The following DLGAP1 variants were observed in gnomAD, a reference collection of about 807,000 sequenced individuals.
DLGAP1 encodes disks large-associated protein 1.
Under a neutral mutation model 90.8 loss-of-function variants are expected in DLGAP1, and 11 were observed. The ratio of observed to expected loss-of-function variants is 0.12; its 90% CI spans 0.08 to 0.20. The LOEUF (loss-of-function observed/expected upper bound fraction) is 0.20, where lower values mean the gene tolerates loss of function less well. Among genes scored for constraint, DLGAP1 ranks in the 10% least tolerant of loss-of-function variants. The pLI is 1.00. For synonymous variants in DLGAP1, 558 were observed against 540.7 expected (o/e 1.03, Z -0.44); for missense variants, 1,050 against 1,333.8 (o/e 0.79, Z 3.31).
intron 4 of DLGAP1, among the ~76,000 whole-genome samples, chr18:3,843,495 T>G (rs1032276686): frequency 1.3e-5 from 2 of 152,234 alleles, no homozygotes; most frequent in Non-Finnish European, 2.9e-5. Context: ...TCTGCCAGCT[T>G]TAAATTGAAC....
chr18:4,121,799 C>G (rs1436484201), intron 2 of DLGAP1, among the ~76,000 whole-genome samples: 1 of 152,062 alleles, frequency 6.6e-6, no homozygotes, highest in Non-Finnish European at 1.5e-5. Context: ...TAACAAGTAC[C>G]ATTGAATAAT....
rs1450023520 is a variant in DLGAP1 at position 4,084,527 on chromosome 18, G to A, written c.-159+66653C>T. Among the ~76,000 whole-genome samples the A allele has an allele frequency of 1.3e-5, 2 of 152,024 alleles. No individual in the cohort carries two copies. Among genetic ancestry groups the A allele is most frequent in the African/African-American group, 4.8e-5 (2 of 41,382 alleles). On this transcript the variant is annotated intron_variant, in intron 2 of 12. Coordinates refer to ENST00000315677, the MANE Select transcript of DLGAP1 (RefSeq NM_004746.4). This position sits in a 1 kb window ranked among gnomAD's most constrained non-coding sequence, Gnocchi z 4.0. ...TCTCTCCTATGACCCTCGTGTGAAA[G>A]GTGTCCACCCTATACCCACAGGACA...
intron 1 of DLGAP1, among the ~76,000 whole-genome samples, chr18:4,319,021 A>G (rs190618532): frequency 6.6e-6 from 1 of 152,348 alleles, no homozygotes; most frequent in Admixed American, 6.5e-5. Context: ...ACAAAAAATT[A>G]TAACAGTGTG....
At chr18:4,426,301 C>T (rs2083152706) in intron 1 of DLGAP1, among the ~76,000 whole-genome samples, 1 of 152,176 alleles carries the variant, frequency 6.6e-6, no homozygotes, top group Non-Finnish European at 1.5e-5. Flanking sequence ...ATATCTTCCC[C>T]TTAAAAAGTT....
chr18:4,423,997 C>T (rs1448591797), intron 1 of DLGAP1, among the ~76,000 whole-genome samples: 1 of 151,626 alleles, frequency 6.6e-6, no homozygotes, highest in Non-Finnish European at 1.5e-5. Flanking sequence ...ACTAAAAATA[C>T]AAAAATTAGC....
At chr18:3,664,789 G>T (rs886897986) in intron 7 of DLGAP1, among the ~76,000 whole-genome samples, 2 of 152,216 alleles carry the variant, frequency 1.3e-5, no homozygotes, top group African/African-American at 4.8e-5. Context: ...TCAGCACCAT[G>T]TCTGGACATA....
In DLGAP1 at chr18:4,269,565, A is replaced by G. The variant is rs538480074; in HGVS notation, c.-266-118278T>C. Among the ~76,000 whole-genome samples the G allele has an allele frequency of 5.7e-3, 860 of 152,042 alleles. 6 individuals carry two copies. Among genetic ancestry groups the G allele is most frequent in the African/African-American group, 0.02 (829 of 41,506 alleles). On this transcript the variant is annotated intron_variant, in intron 1 of 12. Transcript: ENST00000315677. Reference sequence around the variant, plus strand: ...GAGACGGGGTTTCACCGTGTTAGCCAGGATGGTCTCGATCTCCTGACCTTG... The same window carrying G: ...GAGACGGGGTTTCACCGTGTTAGCCGGGATGGTCTCGATCTCCTGACCTTG...
At chr18:4,010,333 G>A (rs1351764172) in intron 2 of DLGAP1, among the ~76,000 whole-genome samples, 3 of 151,954 alleles carry the variant, frequency 2.0e-5, no homozygotes, top group East Asian at 3.9e-4. Context: ...TTGCTAGAGC[G>A]TATGAGTTCA....
At chr18:3,625,131 G>A (rs1298365205) in intron 7 of DLGAP1, among the ~76,000 whole-genome samples, 1 of 152,190 alleles carries the variant, frequency 6.6e-6, no homozygotes, top group Non-Finnish European at 1.5e-5. Context: ...TCTCTCCCGA[G>A]CAGGCTTCAC....
At chr18:3,972,583 G>C (rs983489702) in intron 3 of DLGAP1, among the ~76,000 whole-genome samples, 16 of 152,036 alleles carry the variant, frequency 1.1e-4, no homozygotes, top group Non-Finnish European at 2.1e-4. Context: ...AAGTAGATCT[G>C]TGGGAACCTG....
chr18:4,284,704 C>T (rs2079640184), intron 1 of DLGAP1, among the ~76,000 whole-genome samples: 1 of 152,134 alleles, frequency 6.6e-6, no homozygotes, highest in Non-Finnish European at 1.5e-5. Context: ...AGACCCATGG[C>T]CTTCTGGAGT....
At chr18:4,306,839 G>C (rs958996779) in intron 1 of DLGAP1, among the ~76,000 whole-genome samples, 1 of 152,124 alleles carries the variant, frequency 6.6e-6, no homozygotes, top group Non-Finnish European at 1.5e-5. Context: ...AATTTATTAA[G>C]TCTATTAATC....
At chr18:3,518,378 T>C (rs9962592) in intron 10 of DLGAP1, among the ~76,000 whole-genome samples, 6,077 of 152,182 alleles carry the variant, frequency 0.04, 426 homozygotes, top group African/African-American at 0.14. Context: ...CAAATCACCA[T>C]AGCAGATAGA....
chr18:3,505,929 A>G (rs573903197), intron 11 of DLGAP1, among the ~76,000 whole-genome samples: 1 of 152,234 alleles, frequency 6.6e-6, no homozygotes, highest in South Asian at 2.1e-4. Flanking sequence ...GGAGGTTAAC[A>G]TTTTCTAGAA....
At chr18:4,216,689 A>G (rs1022058476) in intron 1 of DLGAP1, among the ~76,000 whole-genome samples, 2 of 152,128 alleles carry the variant, frequency 1.3e-5, no homozygotes, top group Non-Finnish European at 1.5e-5. Context: ...CATAGTTAGG[A>G]TTAAAGAGAT....
chr18:4,258,626 A>G (rs2078944902), intron 1 of DLGAP1, among the ~76,000 whole-genome samples: 1 of 152,166 alleles, frequency 6.6e-6, no homozygotes, highest in South Asian at 2.1e-4. Flanking sequence ...ATATTAAAAT[A>G]TTACACATGG....
At chr18:4,399,859 T>C (rs1373707923) in intron 1 of DLGAP1, among the ~76,000 whole-genome samples, 1 of 152,178 alleles carries the variant, frequency 6.6e-6, no homozygotes, top group Admixed American at 6.5e-5. Flanking sequence ...CTTCTCTCCT[T>C]CCATGCATAA....
At chr18:4,103,777 G>A (rs1200123264) in intron 2 of DLGAP1, among the ~76,000 whole-genome samples, 1 of 151,862 alleles carries the variant, frequency 6.6e-6, no homozygotes, top group Non-Finnish European at 1.5e-5. Context: ...AAATCAAGTA[G>A]GTTTTGTATT....
At chr18:3,756,106 A>G (rs913990935) in intron 5 of DLGAP1, among the ~76,000 whole-genome samples, 3 of 151,972 alleles carry the variant, frequency 2.0e-5, no homozygotes, top group Admixed American at 1.3e-4. Flanking sequence ...CTGGAGTGCA[A>G]TGGCACGATC....
Sources: gnomAD v4.1 joint callset for allele counts (sites outside exome capture counted in the v4.1 genomes callset) on GRCh38, gnomAD v4.1.1 for gene constraint, Gnocchi (gnomAD v3.1) non-coding constraint, MANE v1.5 for transcripts, NCBI Gene and HGNC (gene_info 2026-07-23, HGNC 2026-07-21) for gene names.